Variants in CUX2 observed in about 807,000 individuals in gnomAD.
CUX2 encodes the protein cut like homeobox 2.
In CUX2, 40 loss-of-function variants were observed where a neutral mutation model predicts 144.8. The observed-to-expected ratio is 0.28, with a 90% CI of 0.21 to 0.36. The LOEUF (loss-of-function observed/expected upper bound fraction) is 0.36, where lower values mean the gene tolerates loss of function less well. CUX2 is among the 10% of genes least tolerant of loss of function. The probability of loss-of-function intolerance (pLI) is 1.00; values close to 1 mark genes in which losing one functional copy is unlikely to be tolerated. For missense variants in CUX2, 1,615 were observed against 1,994.0 expected, an observed-to-expected ratio of 0.81 and a Z score of 3.62; for synonymous variants, 827 against 875.6, an observed-to-expected ratio of 0.94 and a Z score of 0.98.
chr12:111,200,088 A>G (rs540135132), intron 1 of CUX2, among the ~76,000 whole-genome samples: 5 of 152,024 alleles, frequency 3.3e-5, no homozygotes, highest in African/African-American at 1.2e-4. Context: ...TTTGGAGAGA[A>G]AGCTTTTGCC....
Position 111,186,596 on chromosome 12 carries a change from C to CA in CUX2, c.64-27603dup, listed in dbSNP as rs750447327. ...GGGCGACTCTGTGGCGTGAGGCTCG[C>CA]AGCTGCACAGAGGCAGGGTCCCTGG... On this transcript the variant is annotated intron_variant, in intron 1 of 21. Coordinates refer to ENST00000261726, the MANE Select transcript of CUX2 (RefSeq NM_015267.4). The surrounding 1 kb of genome is among the most constrained non-coding windows in gnomAD (Gnocchi z 4.4). Among the ~76,000 whole-genome samples, 4 of 152,194 alleles carry CA rather than the reference C, an allele frequency of 2.6e-5. No individual in the cohort carries two copies. Among genetic ancestry groups the CA allele is most frequent in the Admixed American group, 6.5e-5 (1 of 15,284 alleles).
chr12:111,192,309 T>A (rs970249328), intron 1 of CUX2, among the ~76,000 whole-genome samples: 1 of 152,102 alleles, frequency 6.6e-6, no homozygotes, highest in East Asian at 1.9e-4. Flanking sequence ...TTTGTATTTT[T>A]AGTAGAGATG....
chr12:111,223,475 G>T (rs897732071), intron 3 of CUX2, among the ~76,000 whole-genome samples: 2 of 152,114 alleles, frequency 1.3e-5, no homozygotes, highest in African/African-American at 4.8e-5. Context: ...CTTTGAATCT[G>T]GGCCTGTGCC....
Position 111,310,400 on chromosome 12 carries a change from G to T in CUX2, c.1618G>T (p.Gly540Trp). The T allele has an allele frequency of 1.9e-6, 3 of 1,608,810 alleles. No homozygotes were observed. The highest frequency in any genetic ancestry group is 2.2e-5 in the East Asian group (1 of 44,762). Residue 540 changes from glycine to tryptophan, a missense_variant, in exon 15 of 22, where the codon GGG becomes TGG. Transcript: ENST00000261726. This position sits in a 1 kb window ranked among gnomAD's most constrained non-coding sequence, Gnocchi z 7.9. Reference sequence around the variant, plus strand: ...CGGTCCTGAGCCCGCGGATGGTGGTGGGGGCGGAGCGGCGGGGCCCGGGGC... The same window carrying T: ...CGGTCCTGAGCCCGCGGATGGTGGTTGGGGCGGAGCGGCGGGGCCCGGGGC... ...LGGPEPADGG[G>W]GGAAGPGAEE...
intron 18 of CUX2, among the ~76,000 whole-genome samples, chr12:111,330,676 A>AATACAT (rs1565925959): frequency 1.3e-4 from 10 of 79,190 alleles, no homozygotes; most frequent in African/African-American, 2.2e-4. Flanking sequence ...TCTATTTAAA[A>AATACAT]ATACATATAC....
chr12:111,084,332 G>A (rs1334537701), intron 1 of CUX2, among the ~76,000 whole-genome samples: 1 of 152,174 alleles, frequency 6.6e-6, no homozygotes, highest in Non-Finnish European at 1.5e-5. Flanking sequence ...AGCAGGTGGA[G>A]GGACCCCAGA....
rs187185052 is a variant in CUX2 at position 111,321,801 on chromosome 12, A to T, written c.2767-620A>T. Among the ~76,000 whole-genome samples the T allele has an allele frequency of 1.1e-4, 16 of 152,258 alleles. No homozygotes were observed. In the South Asian group the frequency reaches 3.1e-3, roughly 30 times the overall value. On this transcript the variant is annotated intron_variant, in intron 17 of 21. Coordinates refer to ENST00000261726, the MANE Select transcript of CUX2 (RefSeq NM_015267.4). ...AATGCCAGTTTTAAGTGTCACCTCT[A>T]CCTTTAGCAAGGGAATAGGCAAAGG...
At chr12:111,054,642 T>G (rs1005786904) in intron 1 of CUX2, among the ~76,000 whole-genome samples, 10 of 152,248 alleles carry the variant, frequency 6.6e-5, no homozygotes, top group Non-Finnish European at 1.0e-4. Context: ...GACATTCTTT[T>G]TTGAGATGGA....
At chr12:111,100,257 G>T (rs1873138136) in intron 1 of CUX2, 1 of 351,456 alleles carries the variant, frequency 2.8e-6, no homozygotes, top group African/African-American at 2.1e-5. Context: ...GTGTCCTTGT[G>T]CCCCTTTGTG....
intron 1 of CUX2, among the ~76,000 whole-genome samples, chr12:111,135,363 T>C (rs1875808456): frequency 6.6e-6 from 1 of 152,184 alleles, no homozygotes; most frequent in Admixed American, 6.5e-5. Context: ...CATTCCTAGC[T>C]GAGTGAACCA....
At chr12:111,123,913 G>C (rs2136100193) in intron 1 of CUX2, among the ~76,000 whole-genome samples, 1 of 152,324 alleles carries the variant, frequency 6.6e-6, no homozygotes, top group Non-Finnish European at 1.5e-5. Context: ...CAGGCTCAGA[G>C]GGGTAAAACA....
At chr12:111,099,706 AC>A in intron 1 of CUX2, 1 of 456,432 alleles carries the variant, frequency 2.2e-6, no homozygotes. Flanking sequence ...CTCTCTGATC[AC>A]CTATTGGGTT....
At chr12:111,225,618 C>A (rs1156827026) in intron 3 of CUX2, among the ~76,000 whole-genome samples, 1 of 152,156 alleles carries the variant, frequency 6.6e-6, no homozygotes, top group East Asian at 1.9e-4. Context: ...GCCAAACGGG[C>A]CCCTTGAGGG....
At chr12:111,220,908 T>C (rs1881818554) in intron 3 of CUX2, among the ~76,000 whole-genome samples, 1 of 137,064 alleles carries the variant, frequency 7.3e-6, no homozygotes, top group Admixed American at 8.0e-5. Flanking sequence ...TTCTTTCTAG[T>C]ATGGGCAACA....
At position 111,304,182 on chromosome 12, in the gene CUX2, C is replaced by T. The variant is rs1886460371; in HGVS notation, c.754-28C>T. ...GTGGAAGTGCAGAGTGGGCTCACCT[C>T]TCGCCCACACTGTCCCCTTCTCCCC... On this transcript the variant is annotated intron_variant, in intron 9 of 21. Transcript: ENST00000261726. This position sits in a 1 kb window ranked among gnomAD's most constrained non-coding sequence, Gnocchi z 4.7. 1.9e-6 allele frequency: 3 copies of T among 1,572,552 alleles called. No individual in the cohort carries two copies. Among genetic ancestry groups the T allele is most frequent in the African/African-American group, 2.7e-5 (2 of 74,280 alleles).
chr12:111,162,363 T>TGA (rs1287238559), intron 1 of CUX2, among the ~76,000 whole-genome samples: 1 of 152,168 alleles, frequency 6.6e-6, no homozygotes, highest in East Asian at 1.9e-4. Flanking sequence ...CCAGAGCTGG[T>TGA]GAGATCCTGT....
At chr12:111,167,083 G>A (rs1878195604) in intron 1 of CUX2, among the ~76,000 whole-genome samples, 1 of 152,182 alleles carries the variant, frequency 6.6e-6, no homozygotes, top group Admixed American at 6.5e-5. Context: ...ACTGTCACAA[G>A]AAGCTCACAG....
chr12:111,178,933 G>A lies in CUX2; in HGVS notation c.64-35267G>A, dbSNP rs1332211676. 6.6e-6 allele frequency among the ~76,000 whole-genome samples: 1 copy of A among 152,098 alleles called. No individual in the cohort carries two copies. The highest frequency in any genetic ancestry group is 1.5e-5 in the Non-Finnish European group (1 of 67,992). On this transcript the variant is annotated intron_variant, in intron 1 of 21. Coordinates refer to ENST00000261726, the MANE Select transcript of CUX2 (RefSeq NM_015267.4). This position sits in a 1 kb window ranked among gnomAD's most constrained non-coding sequence, Gnocchi z 5.7. ...AATGACAGCAAGGGGGTCAGCGGTCGGCGCAGGGGAAAGCAGGGCTGAGAG... is the reference window on the plus strand; with the variant it reads ...AATGACAGCAAGGGGGTCAGCGGTCAGCGCAGGGGAAAGCAGGGCTGAGAG...
At chr12:111,242,006 G>C (rs1212828414) in intron 3 of CUX2, among the ~76,000 whole-genome samples, 1 of 152,234 alleles carries the variant, frequency 6.6e-6, no homozygotes, top group Non-Finnish European at 1.5e-5. Flanking sequence ...TGCTTGACAG[G>C]GGCAGACATA....
Sources: gnomAD v4.1 joint callset for allele counts (sites outside exome capture counted in the v4.1 genomes callset) on GRCh38, gnomAD v4.1.1 for gene constraint, Gnocchi (gnomAD v3.1) non-coding constraint, MANE v1.5 for transcripts, NCBI Gene and HGNC (gene_info 2026-07-23, HGNC 2026-07-21) for gene names.